CARMIL2: variants seen among roughly 807,000 people sequenced by gnomAD.
The protein encoded by CARMIL2 is capping protein regulator and myosin 1 linker 2.
Under a neutral mutation model 173.3 loss-of-function variants are expected in CARMIL2, and 96 were observed. The ratio of observed to expected loss-of-function variants is 0.55; its 90% confidence interval spans 0.47 to 0.66. The LOEUF (loss-of-function observed/expected upper bound fraction) is 0.66, where lower values mean the gene tolerates loss of function less well. Ranked by LOEUF, CARMIL2 falls within the 30% of genes least tolerant of loss-of-function variation. The pLI, the probability that CARMIL2 is intolerant of heterozygous loss-of-function variation, is 0.00. For synonymous variants in CARMIL2, 830 were observed against 817.1 expected, an observed-to-expected ratio of 1.02 and a Z score of -0.27; for missense variants, 1,771 against 1,906.7, an observed-to-expected ratio of 0.93 and a Z score of 1.33.
chr16:67,645,923 G>A, intron 3 of CARMIL2, 95 bp from the exon 4 acceptor site: 1 of 1,575,110 alleles, frequency 6.3e-7, no homozygotes, highest in South Asian at 1.1e-5. Flanking sequence ...GGGGAGTCCA[G>A]GCAGATCTGG....
chr16:67,645,900 G>A, intron 3 of CARMIL2, 118 bp from the exon 4 acceptor site: 7 of 1,554,218 alleles, frequency 4.5e-6, no homozygotes, highest in Non-Finnish European at 6.2e-6. Context: ...TGGGCTCTGG[G>A]CAGCCGACAG....
In CARMIL2 at chr16:67,645,146, G is replaced by T; in HGVS notation, c.-101G>T. On this transcript the variant is annotated 5_prime_UTR_variant, in exon 1 of 38. Coordinates refer to ENST00000334583, the MANE Select transcript of CARMIL2 (RefSeq NM_001013838.3). ...GCACCTTCCGCCGCCGGAGGAGCAG[G>T]TGGCTGCCGTGCGGGTCTGGGCCCC... is the stretch of plus-strand genomic sequence containing the variant. The T allele has an allele frequency of 1.2e-6, 1 of 830,628 alleles. No individual in the cohort carries two copies. The highest frequency in any genetic ancestry group is 1.8e-6 in the Non-Finnish European group (1 of 558,588). 51.5% of individuals were successfully genotyped at this position (830,628 alleles called of 1,614,324 possible). A position where few individuals can be genotyped will look rare whatever the true frequency, so the allele number is the denominator to read the frequency against.
Position 67,649,186 on chromosome 16 carries a change from C to T in CARMIL2, c.1688+14C>T, listed in dbSNP as rs367806370. On this transcript the variant is annotated intron_variant, in intron 18 of 37. Transcript: ENST00000334583. This position sits in a 1 kb window ranked among gnomAD's most constrained non-coding sequence, Gnocchi z 6.7. ...CGTCCGGTGCAAGTGAGCCCCCACC[C>T]TACTCCTGGGCCTCCCAGACAACAC... 1.2e-6 allele frequency: 2 copies of T among 1,612,938 alleles called. No homozygotes were observed. Among genetic ancestry groups the T allele is most frequent in the African/African-American group, 2.7e-5 (2 of 74,902 alleles).
At position 67,652,647 on chromosome 16, in the gene CARMIL2, C is replaced by T; in HGVS notation, c.2884+109C>T. The T allele has an allele frequency of 9.0e-7, 1 of 1,113,054 alleles. No individual in the cohort carries two copies. Among genetic ancestry groups the T allele is most frequent in the Non-Finnish European group, 1.3e-6 (1 of 763,160 alleles). 68.9% of individuals were successfully genotyped at this position (1,113,054 alleles called of 1,614,324 possible). On this transcript the variant is annotated intron_variant, in intron 28 of 37. Coordinates refer to ENST00000334583, the MANE Select transcript of CARMIL2 (RefSeq NM_001013838.3). The surrounding 1 kb of genome is among the most constrained non-coding windows in gnomAD (Gnocchi z 4.7). ...TCATTCAGCCTTGTCTGGGTACCCA[C>T]CAGCCCTTGACTGGGCCAGGTCGGG...
chr16:67,649,697 T>A lies in CARMIL2; in HGVS notation c.1919+78T>A. 1 of 1,559,772 alleles carries A rather than the reference T, an allele frequency of 6.4e-7. No homozygotes were observed. The highest frequency in any genetic ancestry group is 1.7e-5 in the Admixed American group (1 of 57,328). ...AGGGCACCGGGCTAAGGGGAGGGAC[T>A]GAATGAGGCGGAGCAAATGGAGCAG... On this transcript the variant is annotated intron_variant, in intron 20 of 37. Transcript: ENST00000334583. The surrounding 1 kb of genome is among the most constrained non-coding windows in gnomAD (Gnocchi z 6.7).
intron 11 of CARMIL2, 21 bp downstream of exon 11, chr16:67,647,623 C>G (rs766044502): frequency 1.2e-6 from 2 of 1,604,992 alleles, no homozygotes; most frequent in East Asian, 2.2e-5. Context: ...GCCTGGGGAC[C>G]GCAGGGGTGG....
In CARMIL2 at chr16:67,651,177, T is replaced by G; in HGVS notation, c.2185-10T>G. 6.2e-7 allele frequency: 1 copy of G among 1,611,642 alleles called. No homozygotes were observed. The highest frequency in any genetic ancestry group is 1.1e-5 in the South Asian group (1 of 90,706). On this transcript the variant is annotated splice_polypyrimidine_tract_variant and intron_variant, in intron 22 of 37. Transcript: ENST00000334583. The surrounding 1 kb of genome is among the most constrained non-coding windows in gnomAD (Gnocchi z 4.2). The stretch of plus-strand genomic sequence containing the variant: ...GGGCTAGGCTGAGACTGATCCCCAT[T>G]TCGCCCCAGGAAGTGAATGAATTGT...
intron 3 of CARMIL2, 111 bp downstream of exon 3, chr16:67,645,888 A>C: frequency 6.4e-7 from 1 of 1,553,892 alleles, no homozygotes; most frequent in Non-Finnish European, 8.8e-7. Context: ...TTGCACCAGC[A>C]CTGGGCTCTG....
chr16:67,646,800 T>C lies in CARMIL2; in HGVS notation c.537+16T>C. 6.2e-7 allele frequency: 1 copy of C among 1,613,526 alleles called. No individual in the cohort carries two copies. Among genetic ancestry groups the C allele is most frequent in the Non-Finnish European group, 8.5e-7 (1 of 1,179,540 alleles). ...GATTCAGTGGGTGAGGGTAGGGCCCTTTTGAAGGGCTCTGGAGACATCTGG... is the reference window on the plus strand; with the variant it reads ...GATTCAGTGGGTGAGGGTAGGGCCCCTTTGAAGGGCTCTGGAGACATCTGG... On this transcript the variant is annotated intron_variant, in intron 7 of 37. Coordinates refer to ENST00000334583, the MANE Select transcript of CARMIL2 (RefSeq NM_001013838.3). The surrounding 1 kb of genome is among the most constrained non-coding windows in gnomAD (Gnocchi z 4.6).
At position 67,647,784 on chromosome 16, in the gene CARMIL2, G is replaced by A. The variant is rs763406857; in HGVS notation, c.958+18G>A. 1.6e-5 allele frequency: 23 copies of A among 1,443,578 alleles called. No individual in the cohort carries two copies. The highest frequency in any genetic ancestry group is 2.2e-5 in the Non-Finnish European group (23 of 1,052,376). The allele number at this position is 1,443,578 out of a possible 1,614,324, so 89.4% of individuals were successfully genotyped here. ...ACCGCGAGGTAGGCTGGATGAGGGAGGGGGTGAGGGGAGGGGGGTGGGGGT... is the reference window on the plus strand; with the variant it reads ...ACCGCGAGGTAGGCTGGATGAGGGAAGGGGTGAGGGGAGGGGGGTGGGGGT... On this transcript the variant is annotated intron_variant, in intron 12 of 37. Coordinates refer to ENST00000334583, the MANE Select transcript of CARMIL2 (RefSeq NM_001013838.3).
At chr16:67,655,309 G>A (rs2052820498) in intron 32 of CARMIL2, among the ~76,000 whole-genome samples, 1 of 152,188 alleles carries the variant, frequency 6.6e-6, no homozygotes, top group Non-Finnish European at 1.5e-5. Context: ...GTGGGCACTT[G>A]TAGTCCCAGC....
rs34015629 is a variant in CARMIL2, at chr16:67,652,888, G to A, written c.2885-131G>A. 1 of 231,674 alleles carries A rather than the reference G, an allele frequency of 4.3e-6. No individual in the cohort carries two copies. Among genetic ancestry groups the A allele is most frequent in the Non-Finnish European group, 7.8e-6 (1 of 128,538 alleles). The allele number at this position is 231,674 out of a possible 1,614,324, so 14.4% of individuals were successfully genotyped here. On this transcript the variant is annotated intron_variant, in intron 28 of 37. Coordinates refer to ENST00000334583, the MANE Select transcript of CARMIL2 (RefSeq NM_001013838.3). This position sits in a 1 kb window ranked among gnomAD's most constrained non-coding sequence, Gnocchi z 4.7. ...GCGGCGGGGGAGGGGCGGAGGGGCA[G>A]AGGGGCGGGGGGACGGGCGGCGTAG...
chr16:67,654,246 G>A lies in CARMIL2; in HGVS notation c.3218G>A (p.Arg1073His), dbSNP rs1365707073. The change falls in exon 30 of 38, where the codon CGC (arginine) becomes CAC (histidine). Residue 1073 changes from arginine to histidine, a missense_variant. By Grantham distance (29) the Arg-to-His change is conservative. Transcript: ENST00000334583. Reference protein sequence around the residue: ...FFSKRLIQQDRLWAPEEDPAT... With the variant: ...FFSKRLIQQDHLWAPEEDPAT... Reference sequence around the variant, plus strand: ...TCCAAAAGGCTGATCCAGCAGGATCGCCTGTGAGTGAGGGGCATCTGCTGG... The same window carrying A: ...TCCAAAAGGCTGATCCAGCAGGATCACCTGTGAGTGAGGGGCATCTGCTGG... 5 of 1,570,858 alleles carry A rather than the reference G, an allele frequency of 3.2e-6. No homozygotes were observed. The highest frequency in any genetic ancestry group is 2.3e-5 in the South Asian group (2 of 85,408).
Position 67,649,562 on chromosome 16 carries a change from TG to T in CARMIL2, c.1867del (p.Asp623ThrfsTer45). 1 of 1,596,868 alleles carries T rather than the reference TG, an allele frequency of 6.3e-7. No homozygotes were observed. The part of the protein sequence containing the change: ...LTALDISGNA[M>X]GDAGAKLLAK... ...GCGCTGGATATCAGCGGCAACGCCA[TG>T]GGGGACGCGGGCGCCAAGTTGCTGG... On this transcript the variant is annotated frameshift_variant, in exon 20 of 38. Coordinates refer to ENST00000334583, the MANE Select transcript of CARMIL2 (RefSeq NM_001013838.3). LOFTEE classifies it high-confidence loss of function. The surrounding 1 kb of genome is among the most constrained non-coding windows in gnomAD (Gnocchi z 6.7).
At chr16:67,654,308 G>A (rs750455591) in intron 30 of CARMIL2, 24 bp from the exon 31 acceptor site, 57 of 1,582,452 alleles carry the variant, frequency 3.6e-5, no homozygotes, top group Non-Finnish European at 4.6e-5. Flanking sequence ...GGGCTTTCTC[G>A]CTCACTGCTG....
Position 67,645,785 on chromosome 16 carries a change from C to T in CARMIL2, c.186+8C>T. 6.2e-7 allele frequency: 1 copy of T among 1,611,344 alleles called. No homozygotes were observed. The highest frequency in any genetic ancestry group is 1.7e-5 in the Admixed American group (1 of 60,030). ...ACCTGCCTCCCGCTGAGGGTGAGTC[C>T]CAGGGCCTGGCCACACCCCCGCCCG... On this transcript the variant is annotated splice_region_variant and intron_variant, in intron 3 of 37. Coordinates refer to ENST00000334583, the MANE Select transcript of CARMIL2 (RefSeq NM_001013838.3).
At position 67,651,980 on chromosome 16, in the gene CARMIL2, C is replaced by G; in HGVS notation, c.2648C>G (p.Ala883Gly). ...GAGAGCATTGTGGCTCAGGCTTTGGCAGGCCTGAGTGCAGCCCGGGATCAG... is the reference window on the plus strand; with the variant it reads ...GAGAGCATTGTGGCTCAGGCTTTGGGAGGCCTGAGTGCAGCCCGGGATCAG... ...LAESIVAQAL[A>G]GLSAARDQLV... Residue 883 changes from alanine (A) to glycine (G), a missense_variant, in exon 26 of 38, where the codon GCA (alanine) becomes GGA (glycine). By Grantham distance (60) the Ala-to-Gly change is moderately conservative. Transcript: ENST00000334583. This position sits in a 1 kb window ranked among gnomAD's most constrained non-coding sequence, Gnocchi z 4.2. 1 of 1,613,570 alleles carries G rather than the reference C, an allele frequency of 6.2e-7. No homozygotes were observed. Among genetic ancestry groups the G allele is most frequent in the Non-Finnish European group, 8.5e-7 (1 of 1,179,854 alleles).
intron 29 of CARMIL2, 66 bp from the exon 30 acceptor site, chr16:67,654,080 CGGG>C (rs548114769): frequency 0.062 from 33,794 of 547,366 alleles, 53 homozygotes; most frequent in South Asian, 0.12. Context: ...GGCTGCCGGC[CGGG>C]GGGGGGGGGG....
At chr16:67,655,958 G>C in intron 32 of CARMIL2, 73 bp from the exon 33 acceptor site, 1 of 1,531,924 alleles carries the variant, frequency 6.5e-7, no homozygotes, top group African/African-American at 1.4e-5. Flanking sequence ...AGGATTATAA[G>C]AACAAGAACG....
Sources: allele counts gnomAD v4.1 joint callset (sites outside exome capture counted in the v4.1 genomes callset), GRCh38; gene constraint gnomAD v4.1.1; non-coding constraint Gnocchi (gnomAD v3.1); transcripts MANE v1.5; gene names NCBI Gene and HGNC (gene_info 2026-07-23, HGNC 2026-07-21).